Variants in PPL observed in about 807,000 individuals in gnomAD.
The protein encoded by PPL is 190 kDa paraneoplastic pemphigus antigen.
Under a neutral mutation model 194.4 loss-of-function variants are expected in PPL, and 198 were observed. The ratio of observed to expected loss-of-function variants is 1.02; its 90% CI spans 0.91 to 1.15. PPL has a LOEUF of 1.15. Among genes scored for constraint, PPL ranks in the 50% most tolerant of loss-of-function variants. The pLI, the probability that PPL is intolerant of heterozygous loss-of-function variation, is 0.00. For missense variants in PPL, 2,885 were observed against 2,294.8 expected, an observed-to-expected ratio of 1.26 and a Z score of -5.25; for synonymous variants, 1,220 against 972.4, an observed-to-expected ratio of 1.25 and a Z score of -4.74.
intron 20 of PPL, 106 bp from the exon 21 acceptor site, chr16:4,887,333 G>A (rs767854997): frequency 2.4e-6 from 2 of 848,582 alleles, no homozygotes; most frequent in Admixed American, 3.5e-5. Context: ...GTGGAATTTG[G>A]GGGTAGAGGC....
Position 4,902,767 on chromosome 16 carries a change from G to T in PPL, c.318-241C>A, listed in dbSNP as rs952157067. Among the ~76,000 whole-genome samples, 1 of 151,746 alleles carries T rather than the reference G, an allele frequency of 6.6e-6. No individual in the cohort carries two copies. The highest frequency in any genetic ancestry group is 1.5e-5 in the Non-Finnish European group (1 of 67,962). On this transcript the variant is annotated intron_variant, in intron 3 of 21. Transcript: ENST00000345988. This position sits in a 1 kb window ranked among gnomAD's most constrained non-coding sequence, Gnocchi z 4.0. ...TACAGTGACGTCATCTCAGCTCATG[G>T]CAGCCTCCGCCTCCCAGGTTCAAGC...
Position 4,902,336 on chromosome 16 carries a change from C to T in PPL, c.438+70G>A. On this transcript the variant is annotated intron_variant, in intron 4 of 21. Coordinates refer to ENST00000345988, the MANE Select transcript of PPL (RefSeq NM_002705.5). This position sits in a 1 kb window ranked among gnomAD's most constrained non-coding sequence, Gnocchi z 4.0. Reference sequence around the variant, plus strand: ...CCGGGATGCCCATTACATGGGTAGGCTCTCCCTGCACACGCACAGCCCCCT... The same window carrying T: ...CCGGGATGCCCATTACATGGGTAGGTTCTCCCTGCACACGCACAGCCCCCT... The T allele has an allele frequency of 1.3e-6, 2 of 1,589,842 alleles. No individual in the cohort carries two copies. Among genetic ancestry groups the T allele is most frequent in the Non-Finnish European group, 8.6e-7 (1 of 1,167,610 alleles).
chr16:4,891,173 G>A (rs2088313577), intron 16 of PPL, among the ~76,000 whole-genome samples: 1 of 152,232 alleles, frequency 6.6e-6, no homozygotes, highest in African/African-American at 2.4e-5. Context: ...CCCTGCGCGA[G>A]AACAGCCTGC....
At position 4,885,866 on chromosome 16, in the gene PPL, T is replaced by A. The variant is rs1478604785; in HGVS notation, c.2789A>T (p.Glu930Val). 2 of 1,608,556 alleles carry A rather than the reference T, an allele frequency of 1.2e-6. No individual in the cohort carries two copies. The highest frequency in any genetic ancestry group is 1.7e-5 in the Admixed American group (1 of 60,000). Residue 930 changes from glutamate (E) to valine (V), a missense_variant, in exon 22 of 22, where the codon GAA (glutamate) becomes GTA (valine). Coordinates refer to ENST00000345988, the MANE Select transcript of PPL (RefSeq NM_002705.5). The surrounding 1 kb of genome is among the most constrained non-coding windows in gnomAD (Gnocchi z 6.3). ...IWTLRNQGPQ[E>V]SVVRKEVLKK... is the part of the protein sequence containing the mutation. ...GAGCACCTCCTTCCTCACCACCGAT[T>A]CCTGAGGCCCCTGATTCCTCAAGGT...
chr16:4,895,437 G>A, intron 10 of PPL, 30 bp from the exon 11 acceptor site: 2 of 1,608,990 alleles, frequency 1.2e-6, no homozygotes, highest in Non-Finnish European at 1.7e-6. Context: ...GGGCCCAGGT[G>A]AGACCAACAG....
intron 1 of PPL, among the ~76,000 whole-genome samples, chr16:4,927,359 T>G (rs939135709): frequency 6.6e-6 from 1 of 152,242 alleles, no homozygotes; most frequent in Non-Finnish European, 1.5e-5. Context: ...TCCCAACAGC[T>G]GCACATCAAA....
chr16:4,888,312 C>G, intron 19 of PPL, 94 bp from the exon 20 acceptor site: 1 of 844,924 alleles, frequency 1.2e-6, no homozygotes, highest in African/African-American at 1.7e-5. Flanking sequence ...CCAGACCTGC[C>G]CTGTGCCATG....
At chr16:4,890,998 C>G in intron 16 of PPL, 77 bp from the exon 17 acceptor site, 3 of 1,295,420 alleles carry the variant, frequency 2.3e-6, no homozygotes, top group Non-Finnish European at 3.1e-6. Flanking sequence ...ACTGAAGCCC[C>G]TGGGCCACTG....
At chr16:4,900,158 C>A (rs994697847) in intron 6 of PPL, among the ~76,000 whole-genome samples, 8 of 152,104 alleles carry the variant, frequency 5.3e-5, no homozygotes, top group African/African-American at 9.7e-5. Flanking sequence ...ACATTGGCAA[C>A]AAGGAAGCGT....
intron 6 of PPL, among the ~76,000 whole-genome samples, chr16:4,899,885 G>C (rs1371518922): frequency 2.0e-5 from 3 of 152,168 alleles, no homozygotes; most frequent in Non-Finnish European, 4.4e-5. Context: ...TCTGAGAAGC[G>C]GGTGTGCAAG....
intron 1 of PPL, among the ~76,000 whole-genome samples, chr16:4,927,571 G>T (rs1013782409): frequency 6.6e-6 from 1 of 152,262 alleles, no homozygotes; most frequent in African/African-American, 2.4e-5. Flanking sequence ...CTGTGAGAAA[G>T]CAGTACACAG....
chr16:4,936,862 TTCAG>T, intron 1 of PPL, 118 bp downstream of exon 1: 1 of 993,962 alleles, frequency 1.0e-6, no homozygotes, highest in East Asian at 3.6e-5. Context: ...GCACTCCGGG[TTCAG>T]TTCCCGGTTC....
At chr16:4,888,890 A>G in intron 19 of PPL, 88 bp downstream of exon 19, 1 of 1,320,198 alleles carries the variant, frequency 7.6e-7, no homozygotes, top group Non-Finnish European at 1.1e-6. Flanking sequence ...CCCATGTGCC[A>G]GGGCCGGTGC....
intron 1 of PPL, among the ~76,000 whole-genome samples, chr16:4,935,603 G>C (rs930826899): frequency 6.6e-6 from 1 of 152,178 alleles, no homozygotes; most frequent in Non-Finnish European, 1.5e-5. Context: ...CTCTAAAGGC[G>C]GGTAATGCCT....
In PPL at chr16:4,902,486, TC is replaced by T. The variant is rs748787289; in HGVS notation, c.357del (p.Lys120AsnfsTer10). On this transcript the variant is annotated frameshift_variant, in exon 4 of 22. Transcript: ENST00000345988. LOFTEE classifies it high-confidence loss of function. The surrounding 1 kb of genome is among the most constrained non-coding windows in gnomAD (Gnocchi z 4.0). ...QLKERVTNLR[G>X]KHKQIYRLAV... ...GCCAGCCTGTAGATCTGCTTGTGTT[TC>T]CCGCGCAGGTTGGTCACACGCTCCT... 6.2e-7 allele frequency: 1 copy of T among 1,613,790 alleles called. No individual in the cohort carries two copies. The highest frequency in any genetic ancestry group is 1.3e-5 in the African/African-American group (1 of 74,914).
intron 9 of PPL, among the ~76,000 whole-genome samples, chr16:4,896,762 C>T (rs181394993): frequency 5.6e-4 from 85 of 151,788 alleles, no homozygotes; most frequent in African/African-American, 2.0e-3. Flanking sequence ...GCCTCAGCCT[C>T]CCATCTGGGA....
chr16:4,917,998 A>AAAC (rs1194849519), intron 1 of PPL, among the ~76,000 whole-genome samples: 43 of 150,024 alleles, frequency 2.9e-4, no homozygotes, highest in African/African-American at 1.0e-3. Context: ...AAAAAAAAAA[A>AAAC]CACAAAAAAG....
rs1382462347 is a variant in PPL, at chr16:4,884,506, G to A, written c.4149C>T (p.Asp1383=). The change falls in exon 22 of 22, where the codon GAC becomes GAT. Residue 1383 remains aspartate, a synonymous_variant. Transcript: ENST00000345988. The surrounding 1 kb of genome is among the most constrained non-coding windows in gnomAD (Gnocchi z 5.7). ...ESIDVELRQI[D]KLRAELRRLQ... ...GCCGCCGCAGCTCTGCCCGCAGCTTGTCAATCTGCCGCAGCTCCACATCGA... is the reference window on the plus strand; with the variant it reads ...GCCGCCGCAGCTCTGCCCGCAGCTTATCAATCTGCCGCAGCTCCACATCGA... The A allele has an allele frequency of 3.1e-6, 5 of 1,609,258 alleles. No homozygotes were observed. Among genetic ancestry groups the A allele is most frequent in the Admixed American group, 3.4e-5 (2 of 58,622 alleles).
rs774469618 is a variant in PPL, at chr16:4,886,058, GAAGAC to G, written c.2608-16_2608-12del. 5 of 1,613,628 alleles carry G rather than the reference GAAGAC, an allele frequency of 3.1e-6. No homozygotes were observed. Among genetic ancestry groups the G allele is most frequent in the Non-Finnish European group, 8.5e-7 (1 of 1,180,000 alleles). On this transcript the variant is annotated splice_polypyrimidine_tract_variant and intron_variant, in intron 21 of 21. Transcript: ENST00000345988. Reference sequence around the variant, plus strand: ...TTCTACTTCCGGCTGCTGTGATGGAGAAGACAAGACAAGGTTAAAGCCAGGCTCTG... The same window carrying G: ...TTCTACTTCCGGCTGCTGTGATGGAGAAGACAAGGTTAAAGCCAGGCTCTG...
Sources: allele counts gnomAD v4.1 joint callset (sites outside exome capture counted in the v4.1 genomes callset), GRCh38; gene constraint gnomAD v4.1.1; non-coding constraint Gnocchi (gnomAD v3.1); transcripts MANE v1.5; gene names NCBI Gene and HGNC (gene_info 2026-07-23, HGNC 2026-07-21).